Variants in EYS observed in about 807,000 individuals in gnomAD.
EYS encodes the protein EGF-like photoreceptor maintenance factor, also known as protein eyes shut homolog.
A neutral mutation model predicts 282.1 loss-of-function variants in EYS; 250 were observed. The ratio of observed to expected loss-of-function variants is 0.89; its 90% confidence interval spans 0.80 to 0.98. The LOEUF (loss-of-function observed/expected upper bound fraction) is 0.98. EYS is among the 50% of genes least tolerant of loss of function. The pLI is 0.00. For synonymous variants in EYS, 1,355 were observed against 1,282.9 expected (o/e 1.06, Z -1.20); for missense variants, 4,016 against 3,709.0 (o/e 1.08, Z -2.15).
intron 12 of EYS, among the ~76,000 whole-genome samples, chr6:65,225,833 C>A (rs1020332273): frequency 6.6e-6 from 1 of 151,004 alleles, no homozygotes; most frequent in African/African-American, 2.4e-5. Context: ...TTGCAAAAAT[C>A]CAATGCACTT....
chr6:64,855,669 G>T (rs1043771088), intron 19 of EYS, among the ~76,000 whole-genome samples: 2 of 152,048 alleles, frequency 1.3e-5, no homozygotes, highest in African/African-American at 2.4e-5. Flanking sequence ...TCTCTCTATG[G>T]GTTGTATAGT....
intron 31 of EYS, among the ~76,000 whole-genome samples, chr6:64,135,619 A>G (rs1235990263): frequency 6.6e-6 from 1 of 152,132 alleles, no homozygotes; most frequent in Non-Finnish European, 1.5e-5. Context: ...TACTTCAGAC[A>G]CATTGTAGGT....
chr6:63,853,414 T>C lies in EYS; in HGVS notation c.7228+10772A>G, dbSNP rs562155224. Reference sequence around the variant, plus strand: ...ACAAAGAGAATGAAATACCTAGGAATATAACTGACAAAGGATGAGAAAGAC... The same window carrying C: ...ACAAAGAGAATGAAATACCTAGGAACATAACTGACAAAGGATGAGAAAGAC... On this transcript the variant is annotated intron_variant, in intron 36 of 42. Transcript: ENST00000503581. Among the ~76,000 whole-genome samples the C allele has an allele frequency of 2.6e-5, 4 of 152,172 alleles. No individual in the cohort carries two copies. In the South Asian group the frequency reaches 6.2e-4, roughly 24 times the overall value.
intron 22 of EYS, among the ~76,000 whole-genome samples, chr6:64,676,872 G>A (rs1210556544): frequency 1.3e-5 from 2 of 152,064 alleles, no homozygotes; most frequent in Non-Finnish European, 2.9e-5. Context: ...AATCATCTCC[G>A]AAAGGTCCCA....
At chr6:64,402,860 C>T (rs776068788) in intron 28 of EYS, among the ~76,000 whole-genome samples, 70 of 152,064 alleles carry the variant, frequency 4.6e-4, no homozygotes, top group Non-Finnish European at 3.2e-4. Flanking sequence ...AAAAATATTT[C>T]CATATCGTGT....
At chr6:65,615,119 C>A (rs960906119) in intron 2 of EYS, among the ~76,000 whole-genome samples, 1 of 152,142 alleles carries the variant, frequency 6.6e-6, no homozygotes, top group Non-Finnish European at 1.5e-5. Flanking sequence ...AGTAACTTGT[C>A]TGCAAGTAGG....
intron 28 of EYS, among the ~76,000 whole-genome samples, chr6:64,424,762 G>A (rs1056066916): frequency 1.6e-4 from 25 of 152,222 alleles, no homozygotes; most frequent in African/African-American, 5.1e-4. Flanking sequence ...GTATTCAACC[G>A]GGAAGAAGAC....
At chr6:65,311,498 G>T (rs1399349394) in intron 11 of EYS, among the ~76,000 whole-genome samples, 2 of 152,102 alleles carry the variant, frequency 1.3e-5, no homozygotes, top group African/African-American at 4.8e-5. Context: ...TCCCAATAAT[G>T]CTGCCTATTT....
At chr6:65,614,761 C>CA (rs1180860726) in intron 2 of EYS, among the ~76,000 whole-genome samples, 1 of 152,100 alleles carries the variant, frequency 6.6e-6, no homozygotes, top group African/African-American at 2.4e-5. Context: ...CCTCTAGAGG[C>CA]AAAATGGTTA....
chr6:64,692,901 G>A (rs1337050955), intron 22 of EYS, among the ~76,000 whole-genome samples: 1 of 140,730 alleles, frequency 7.1e-6, no homozygotes, highest in African/African-American at 2.6e-5. Context: ...CTGCTCTGTA[G>A]TACAGCTTGA....
intron 33 of EYS, among the ~76,000 whole-genome samples, chr6:64,007,295 A>C (rs765701324): frequency 1.3e-5 from 2 of 151,182 alleles, no homozygotes; most frequent in African/African-American, 2.4e-5. Context: ...TGGTGTTTGA[A>C]GTAGTCTCTG....
At chr6:64,805,943 C>A (rs1339836969) in intron 22 of EYS, among the ~76,000 whole-genome samples, 3 of 151,066 alleles carry the variant, frequency 2.0e-5, no homozygotes, top group African/African-American at 4.8e-5. Flanking sequence ...AAAAAGATTT[C>A]ATTATTATGA....
chr6:64,089,514 C>A (rs1772280374), intron 31 of EYS, among the ~76,000 whole-genome samples: 1 of 149,108 alleles, frequency 6.7e-6, no homozygotes, highest in Admixed American at 6.7e-5. Flanking sequence ...ACTGTATATC[C>A]TATAATATAG....
At chr6:64,508,105 A>G (rs1777271001) in intron 26 of EYS, among the ~76,000 whole-genome samples, 1 of 152,154 alleles carries the variant, frequency 6.6e-6, no homozygotes, top group African/African-American at 2.4e-5. Context: ...ATTAGGAAAC[A>G]ATGAAACTGG....
At chr6:64,448,398 C>T (rs888585805) in intron 26 of EYS, among the ~76,000 whole-genome samples, 10 of 152,216 alleles carry the variant, frequency 6.6e-5, no homozygotes, top group African/African-American at 1.4e-4. Flanking sequence ...CTCAAGGAGG[C>T]CTGCCTGCCT....
chr6:64,776,535 C>G (rs908792842), intron 22 of EYS, among the ~76,000 whole-genome samples: 1 of 151,936 alleles, frequency 6.6e-6, no homozygotes. Flanking sequence ...AGGAAAAATT[C>G]TATTCCCTTT....
intron 5 of EYS, among the ~76,000 whole-genome samples, chr6:65,429,411 A>G (rs917735168): frequency 5.9e-5 from 9 of 152,192 alleles, no homozygotes; most frequent in African/African-American, 2.2e-4. Context: ...AGGCAGAGTT[A>G]TTCAATTCAT....
intron 35 of EYS, among the ~76,000 whole-genome samples, chr6:63,967,540 T>C (rs953384910): frequency 6.6e-6 from 1 of 152,228 alleles, no homozygotes; most frequent in Non-Finnish European, 1.5e-5. Context: ...TCTCTCTGAA[T>C]ATTCTCATCA....
At chr6:65,167,144 G>C (rs1272124363) in intron 12 of EYS, among the ~76,000 whole-genome samples, 1 of 151,064 alleles carries the variant, frequency 6.6e-6, no homozygotes. Flanking sequence ...CCTTCACAAT[G>C]TTTAACATAG....
Sources: allele counts gnomAD v4.1 joint callset (sites outside exome capture counted in the v4.1 genomes callset), GRCh38; gene constraint gnomAD v4.1.1; transcripts MANE v1.5; gene names NCBI Gene and HGNC (gene_info 2026-07-23, HGNC 2026-07-21).